Variants in TENM4 observed in about 807,000 individuals in gnomAD.
TENM4 encodes teneurin-4.
TENM4 carries 82 observed loss-of-function variants against 243.3 expected under a neutral mutation model. The ratio of observed to expected loss-of-function variants is 0.34; its 90% confidence interval spans 0.28 to 0.40. The LOEUF (loss-of-function observed/expected upper bound fraction) is 0.40, where lower values mean the gene tolerates loss of function less well. Among genes scored for constraint, TENM4 ranks in the 10% least tolerant of loss-of-function variants. The pLI, the probability that TENM4 is intolerant of heterozygous loss-of-function variation, is 1.00. For missense variants in TENM4, 3,138 were observed against 3,673.3 expected, an observed-to-expected ratio of 0.85 and a Z score of 3.77; for synonymous variants, 1,412 against 1,456.3, an observed-to-expected ratio of 0.97 and a Z score of 0.69.
At chr11:78,891,436 C>T (rs191531120) in intron 7 of TENM4, 100 bp from the exon 8 acceptor site, 23 of 1,071,752 alleles carry the variant, frequency 2.1e-5, no homozygotes, top group South Asian at 1.5e-4. Flanking sequence ...CAGCTGTGTG[C>T]GTAAGACCAG....
chr11:79,200,727 G>A (rs1463202800), intron 3 of TENM4, among the ~76,000 whole-genome samples: 1 of 152,168 alleles, frequency 6.6e-6, no homozygotes, highest in Non-Finnish European at 1.5e-5. Context: ...GTCAAGGCAG[G>A]GGCAGGAGAG....
intron 28 of TENM4, among the ~76,000 whole-genome samples, chr11:78,693,643 A>T (rs1858883055): frequency 6.6e-6 from 1 of 152,166 alleles, no homozygotes; most frequent in Non-Finnish European, 1.5e-5. Flanking sequence ...CTGGCTTTTC[A>T]TTATTTCCTC....
chr11:78,669,762 C>T lies in TENM4; in HGVS notation c.6583G>A (p.Glu2195Lys), dbSNP rs1858267774. Residue 2195 changes from glutamate (E) to lysine (K), a missense_variant, in exon 32 of 34, where the codon GAG (glutamate) becomes AAG (lysine). This residue lies in a region of TENM4 where 2,467 missense variants were observed against 3,059.1 expected (regional missense o/e 0.81). Transcript: ENST00000278550. The surrounding 1 kb of genome is among the most constrained non-coding windows in gnomAD (Gnocchi z 6.4). Reference protein sequence around the residue: ...PYANTTRYSYEYDADGQLQTV... With the variant: ...PYANTTRYSYKYDADGQLQTV... The stretch of plus-strand genomic sequence containing the variant: ...TGCAGCTGGCCGTCAGCATCATACT[C>T]ATAGGAGTAGCGAGTGGTATTGGCG... The T allele has an allele frequency of 1.2e-6, 2 of 1,614,002 alleles. No homozygotes were observed. The highest frequency in any genetic ancestry group is 1.6e-4 in the Middle Eastern group (1 of 6,062).
rs150800788 is a variant in TENM4 at position 78,653,569 on chromosome 11, C to T, written c.*4489G>A. Reference sequence around the variant, plus strand: ...GTACAGACTCCTTTTGCCGAAGCTGCGGGTTCAGAGGTGCTCAGAACAACA... The same window carrying T: ...GTACAGACTCCTTTTGCCGAAGCTGTGGGTTCAGAGGTGCTCAGAACAACA... On this transcript the variant is annotated 3_prime_UTR_variant, in exon 34 of 34. Coordinates refer to ENST00000278550, the MANE Select transcript of TENM4 (RefSeq NM_001098816.3). The T allele has an allele frequency of 5.3e-5, 8 of 152,346 alleles. No individual in the cohort carries two copies. The East Asian group carries it at 5.8e-4, about 11-fold the overall frequency. 9.4% of individuals were successfully genotyped at this position (152,346 alleles called of 1,614,324 possible). A position where few individuals can be genotyped will look rare whatever the true frequency, so the allele number is the denominator to read the frequency against.
intron 1 of TENM4, among the ~76,000 whole-genome samples, chr11:79,354,767 C>G (rs1215625574): frequency 6.6e-6 from 1 of 152,080 alleles, no homozygotes; most frequent in African/African-American, 2.4e-5. Flanking sequence ...GATAATTCTC[C>G]CTACGTCATA....
At chr11:79,175,432 G>A (rs1863141631) in intron 3 of TENM4, among the ~76,000 whole-genome samples, 1 of 152,130 alleles carries the variant, frequency 6.6e-6, no homozygotes. Flanking sequence ...ATAAAAGGAG[G>A]AAACAATCTA....
chr11:78,657,977 T>G lies in TENM4; in HGVS notation c.*81A>C, dbSNP rs1565316746. Reference sequence around the variant, plus strand: ...TGTTTCTGCACTTGTTAAAAAATCATTTTTTTAAAAGTACAACACAGTCAG... The same window carrying G: ...TGTTTCTGCACTTGTTAAAAAATCAGTTTTTTAAAAGTACAACACAGTCAG... On this transcript the variant is annotated 3_prime_UTR_variant, in exon 34 of 34. Transcript: ENST00000278550. The G allele has an allele frequency of 6.2e-7, 1 of 1,600,454 alleles. No homozygotes were observed.
intron 1 of TENM4, among the ~76,000 whole-genome samples, chr11:79,425,244 A>T (rs1300641703): frequency 6.6e-6 from 1 of 152,140 alleles, no homozygotes; most frequent in Non-Finnish European, 1.5e-5. Context: ...CTGTAGCTGA[A>T]CTTTTCAGGA....
At chr11:79,220,177 A>G (rs562149991) in intron 2 of TENM4, among the ~76,000 whole-genome samples, 52 of 152,386 alleles carry the variant, frequency 3.4e-4, no homozygotes, top group African/African-American at 1.3e-3. Context: ...TAATGCACTC[A>G]GAACTGTATC....
At chr11:79,271,742 G>T (rs1855973182) in intron 2 of TENM4, among the ~76,000 whole-genome samples, 1 of 152,190 alleles carries the variant, frequency 6.6e-6, no homozygotes. Context: ...CTCTCCCACA[G>T]GGTCCTGGGG....
At chr11:79,404,243 T>C (rs779032879) in intron 1 of TENM4, among the ~76,000 whole-genome samples, 54 of 152,240 alleles carry the variant, frequency 3.5e-4, no homozygotes, top group Admixed American at 1.1e-3. Flanking sequence ...TGGTTTCAAT[T>C]GCAAAGAACC....
chr11:79,143,301 A>G (rs181023774), intron 4 of TENM4, among the ~76,000 whole-genome samples: 1 of 152,276 alleles, frequency 6.6e-6, no homozygotes, highest in Admixed American at 6.5e-5. Context: ...GATAGACTGG[A>G]TTAAGAAAAT....
chr11:78,961,262 C>A (rs572504683), intron 6 of TENM4, among the ~76,000 whole-genome samples: 1 of 152,318 alleles, frequency 6.6e-6, no homozygotes, highest in South Asian at 2.1e-4. Context: ...ATCAGGAAAT[C>A]CTGGGGCTAT....
rs144705494 is a variant in TENM4 at position 78,920,657 on chromosome 11, A to C, written c.494-17134T>G. 1.2e-3 allele frequency among the ~76,000 whole-genome samples: 180 copies of C among 152,316 alleles called. 2 individuals are homozygous for C. Among genetic ancestry groups the C allele is most frequent in the African/African-American group, 3.6e-3 (150 of 41,576 alleles). ...TTAATCTAATGACTGAAATTAGGCA[A>C]AAGCAGCCATCTGATAGATGTTAGG... On this transcript the variant is annotated intron_variant, in intron 6 of 33. Transcript: ENST00000278550.
At chr11:79,112,727 T>A (rs549359033) in intron 4 of TENM4, among the ~76,000 whole-genome samples, 55 of 152,210 alleles carry the variant, frequency 3.6e-4, no homozygotes, top group African/African-American at 1.3e-3. Context: ...CCTAGGGGAT[T>A]GTTCCCATCT....
intron 4 of TENM4, among the ~76,000 whole-genome samples, chr11:79,085,207 C>G (rs1860778243): frequency 6.6e-6 from 1 of 150,964 alleles, no homozygotes; most frequent in Admixed American, 6.6e-5. Flanking sequence ...CCCCTCTTTA[C>G]TAAAAATACA....
At chr11:79,175,493 G>A (rs952426120) in intron 3 of TENM4, among the ~76,000 whole-genome samples, 2 of 152,136 alleles carry the variant, frequency 1.3e-5, no homozygotes, top group African/African-American at 4.8e-5. Flanking sequence ...TCCACAGGAC[G>A]CAATACAATG....
Position 79,049,465 on chromosome 11 carries a change from C to G in TENM4, c.493+15273G>C, listed in dbSNP as rs544834278. 2.4e-3 allele frequency among the ~76,000 whole-genome samples: 358 copies of G among 152,272 alleles called. 1 individual carries two copies. Among genetic ancestry groups the G allele is most frequent in the African/African-American group, 8.4e-3 (351 of 41,564 alleles). ...ACTAGGGGGATCTGCTAGGGCCGCT[C>G]ACTAATCAAACAGGAGGGCAGTCCA... On this transcript the variant is annotated intron_variant, in intron 6 of 33. Transcript: ENST00000278550.
intron 4 of TENM4, among the ~76,000 whole-genome samples, chr11:79,080,965 C>T (rs572505054): frequency 6.6e-6 from 1 of 152,286 alleles, no homozygotes; most frequent in East Asian, 1.9e-4. Context: ...TCCCCTACTG[C>T]GTCCAATCTT....
Sources: allele counts gnomAD v4.1 joint callset (sites outside exome capture counted in the v4.1 genomes callset), GRCh38; gene constraint gnomAD v4.1.1; regional missense constraint gnomAD v4.1.1; non-coding constraint Gnocchi (gnomAD v3.1); transcripts MANE v1.5; gene names NCBI Gene and HGNC (gene_info 2026-07-23, HGNC 2026-07-21).